METTL6: variants seen among roughly 807,000 people sequenced by gnomAD.
METTL6 encodes the protein tRNA N(3)-cytidine methyltransferase METTL6.
METTL6 carries 22 observed loss-of-function variants against 26.4 expected under a neutral mutation model. The ratio of observed to expected loss-of-function variants is 0.83; its 90% CI spans 0.59 to 1.19. METTL6 has a LOEUF of 1.19. Ranked by LOEUF, METTL6 falls within the 50% of genes most tolerant of loss-of-function variation. METTL6 has a pLI of 0.00. For synonymous variants in METTL6, 109 were observed against 116.2 expected, an observed-to-expected ratio of 0.94 and a Z score of 0.40; for missense variants, 304 against 324.8, an observed-to-expected ratio of 0.94 and a Z score of 0.49.
chr3:15,424,178 A>T (rs1025713769), intron 3 of METTL6, among the ~76,000 whole-genome samples: 1 of 152,238 alleles, frequency 6.6e-6, no homozygotes, highest in South Asian at 2.1e-4. Context: ...CCATCTCTAA[A>T]AAAAGTAAAA....
At chr3:15,422,099 G>A (rs1163670790) in intron 3 of METTL6, among the ~76,000 whole-genome samples, 1 of 151,710 alleles carries the variant, frequency 6.6e-6, no homozygotes, top group Admixed American at 6.6e-5. Flanking sequence ...GCAGAGATGG[G>A]AGGATCTCTT....
rs371660550 is a variant in METTL6 at position 15,410,464 on chromosome 3, C to T, written c.*792G>A. 6.6e-6 allele frequency among the ~76,000 whole-genome samples: 1 copy of T among 152,070 alleles called. No individual in the cohort carries two copies. The highest frequency in any genetic ancestry group is 1.5e-5 in the Non-Finnish European group (1 of 68,020). On this transcript the variant is annotated 3_prime_UTR_variant, in exon 6 of 6. Coordinates refer to ENST00000383790, the MANE Select transcript of METTL6 (RefSeq NM_152396.4). ...CAGCTGGGACTACAGGCACATGCCA[C>T]CACATTTGGCTAATTTTTGTATTTT...
At chr3:15,417,613 C>T (rs1266029702) in intron 3 of METTL6, among the ~76,000 whole-genome samples, 1 of 151,692 alleles carries the variant, frequency 6.6e-6, no homozygotes, top group Non-Finnish European at 1.5e-5. Flanking sequence ...AACAGAGTCC[C>T]AAAACAGACC....
intron 6 of METTL6, among the ~76,000 whole-genome samples, chr3:15,398,262 T>C (rs1699546418): frequency 6.6e-6 from 1 of 152,214 alleles, no homozygotes; most frequent in South Asian, 2.1e-4. Flanking sequence ...GGAGTGATCT[T>C]GGCTCACTGC....
chr3:15,423,786 G>A (rs933053724), intron 3 of METTL6, among the ~76,000 whole-genome samples: 13 of 152,178 alleles, frequency 8.5e-5, no homozygotes, highest in African/African-American at 3.1e-4. Flanking sequence ...GGGAGACTGA[G>A]GTGGGAGGAT....
At chr3:15,417,941 T>C (rs2061524561) in intron 3 of METTL6, among the ~76,000 whole-genome samples, 1 of 152,118 alleles carries the variant, frequency 6.6e-6, no homozygotes, top group Non-Finnish European at 1.5e-5. Flanking sequence ...ATAGACTCTT[T>C]GGGAAACGGT....
rs1483250917 is a variant in METTL6, at chr3:15,410,156, T to A, written c.*1100A>T. Among the ~76,000 whole-genome samples, 1 of 152,088 alleles carries A rather than the reference T, an allele frequency of 6.6e-6. No homozygotes were observed. On this transcript the variant is annotated 3_prime_UTR_variant, in exon 6 of 6. Coordinates refer to ENST00000383790, the MANE Select transcript of METTL6 (RefSeq NM_152396.4). Reference sequence around the variant, plus strand: ...TGTCTCTAACACACACACATACACTTCCTATTTTTTAATACAAAAAGTACA... The same window carrying A: ...TGTCTCTAACACACACACATACACTACCTATTTTTTAATACAAAAAGTACA...
chr3:15,393,364 T>A (rs1699400486), intron 6 of METTL6, among the ~76,000 whole-genome samples: 2 of 152,240 alleles, frequency 1.3e-5, no homozygotes, highest in Admixed American at 1.3e-4. Context: ...GAGACTTTGC[T>A]GAAGTTGCTT....
In METTL6 at chr3:15,426,588, CA is replaced by C. The variant is rs2061730283; in HGVS notation, c.-78del. On this transcript the variant is annotated 5_prime_UTR_variant, in exon 2 of 6. The change abolishes the stop of an existing upstream ORF in the 5' untranslated region. Coordinates refer to ENST00000383790, the MANE Select transcript of METTL6 (RefSeq NM_152396.4). ...ATAATATGAATCCACGCTAATGGAT[CA>C]GATACATTTCCTGAGGTGAGTTTCA... The C allele has an allele frequency of 4.5e-6, 6 of 1,324,406 alleles. No individual in the cohort carries two copies. Among genetic ancestry groups the C allele is most frequent in the Non-Finnish European group, 5.3e-6 (5 of 942,972 alleles). 82.0% of individuals were successfully genotyped at this position (1,324,406 alleles called of 1,614,324 possible).
chr3:15,393,527 C>A (rs572920766), intron 6 of METTL6, among the ~76,000 whole-genome samples: 4 of 152,304 alleles, frequency 2.6e-5, no homozygotes, highest in Admixed American at 2.0e-4. Context: ...GAACTTCCAA[C>A]ACTATGTTGA....
chr3:15,386,799 C>CT (rs947149279), intron 6 of METTL6, among the ~76,000 whole-genome samples: 2,380 of 146,180 alleles, frequency 0.016, 56 homozygotes, highest in African/African-American at 0.053. Context: ...GTTTCCTTTT[C>CT]TTTTTTTTTT....
intron 6 of METTL6, among the ~76,000 whole-genome samples, chr3:15,396,433 G>T (rs183969794): frequency 6.6e-6 from 1 of 152,088 alleles, no homozygotes; most frequent in Non-Finnish European, 1.5e-5. Context: ...CCATGGGTTC[G>T]AACTTCCTCC....
intron 5 of METTL6, chr3:15,413,725 C>A: frequency 7.6e-7 from 1 of 1,321,272 alleles, no homozygotes. Context: ...ACTTGCCCTC[C>A]CTCTTATTCC....
exon 7 of METTL6, chr3:15,382,074 G>A (rs1381747194): frequency 3.3e-5 from 5 of 149,364 alleles, no homozygotes; most frequent in Non-Finnish European, 4.4e-5. Flanking sequence ...TTTAAGAGTC[G>A]GGGTCTCACT....
intron 6 of METTL6, among the ~76,000 whole-genome samples, chr3:15,391,819 G>A (rs1444212541): frequency 6.6e-6 from 1 of 151,970 alleles, no homozygotes; most frequent in Admixed American, 6.6e-5. Context: ...CCCTACAAAG[G>A]ACATGAACTC....
chr3:15,408,437 G>C (rs920641284), downstream of METTL6, among the ~76,000 whole-genome samples: 2 of 151,980 alleles, frequency 1.3e-5, no homozygotes, highest in Non-Finnish European at 2.9e-5. Flanking sequence ...TAAGTTAGTA[G>C]TTATCCCCAT....
At chr3:15,412,195 C>G (rs779902729) in intron 5 of METTL6, among the ~76,000 whole-genome samples, 2 of 152,198 alleles carry the variant, frequency 1.3e-5, no homozygotes, top group Non-Finnish European at 2.9e-5. Flanking sequence ...CATCCTAACA[C>G]GAAGGAGGAA....
Position 15,413,884 on chromosome 3 carries a change from T to C in METTL6, c.673+137A>G, listed in dbSNP as rs748949187. ...GTGCCTTCCAGGTGCTGGGTAAATA[T>C]TGTGCAGTAGAGGGCTTGTTTCAGG... is the stretch of plus-strand genomic sequence containing the variant. On this transcript the variant is annotated intron_variant, in intron 5 of 5. Transcript: ENST00000383790. 7.2e-6 allele frequency: 11 copies of C among 1,533,484 alleles called. No homozygotes were observed. The African/African-American group carries it at 1.4e-4, about 19-fold the overall frequency. The allele number at this position is 1,533,484 out of a possible 1,614,324, so 95.0% of individuals were successfully genotyped here.
intron 5 of METTL6, among the ~76,000 whole-genome samples, chr3:15,413,463 C>A (rs1456418351): frequency 6.6e-6 from 1 of 151,592 alleles, no homozygotes; most frequent in Non-Finnish European, 1.5e-5. Flanking sequence ...GTGGTCCCAG[C>A]TACTCAGGAG....
Sources: allele counts gnomAD v4.1 joint callset (sites outside exome capture counted in the v4.1 genomes callset), GRCh38; gene constraint gnomAD v4.1.1; transcripts MANE v1.5; gene names NCBI Gene and HGNC (gene_info 2026-07-23, HGNC 2026-07-21).